Variants in ZNF827 observed in about 807,000 individuals in gnomAD.
The protein encoded by ZNF827 is zinc finger protein 827.
ZNF827 carries 13 observed loss-of-function variants against 102.4 expected under a neutral mutation model. That is an observed-to-expected ratio of 0.13 (90% confidence interval 0.08 to 0.20). The LOEUF (loss-of-function observed/expected upper bound fraction) is 0.20. Among genes scored for constraint, ZNF827 ranks in the 10% least tolerant of loss-of-function variants. The pLI, the probability that ZNF827 is intolerant of heterozygous loss-of-function variation, is 1.00. For synonymous variants in ZNF827, 523 were observed against 536.2 expected (o/e 0.98, Z 0.34); for missense variants, 1,103 against 1,344.4 (o/e 0.82, Z 2.81).
chr4:145,847,875 G>A (rs1746140127), intron 6 of ZNF827, among the ~76,000 whole-genome samples: 1 of 152,208 alleles, frequency 6.6e-6, no homozygotes, highest in African/African-American at 2.4e-5. Context: ...CTGCATGCAT[G>A]TGTGCATGGA....
chr4:145,776,015 A>C (rs758560800), intron 9 of ZNF827, 55 bp from the exon 10 acceptor site: 7 of 1,599,268 alleles, frequency 4.4e-6, no homozygotes, highest in Non-Finnish European at 6.0e-6. Flanking sequence ...AGGAAGTCCC[A>C]ACACCTTGCA....
chr4:145,802,756 A>G (rs1741037619), intron 8 of ZNF827, among the ~76,000 whole-genome samples: 1 of 152,226 alleles, frequency 6.6e-6, no homozygotes, highest in Non-Finnish European at 1.5e-5. Flanking sequence ...CCAGGAGTTC[A>G]TGGAGAAACT....
intron 8 of ZNF827, among the ~76,000 whole-genome samples, chr4:145,782,647 A>G (rs1367438768): frequency 6.6e-6 from 1 of 152,152 alleles, no homozygotes; most frequent in Non-Finnish European, 1.5e-5. Flanking sequence ...CTCACCTCAC[A>G]GATTCCAGAA....
intron 8 of ZNF827, 77 bp downstream of exon 8, chr4:145,823,345 T>C: frequency 8.2e-7 from 1 of 1,219,896 alleles, no homozygotes; most frequent in Non-Finnish European, 1.2e-6. Context: ...GCTGAAAGTA[T>C]CTGAAAATTC....
intron 8 of ZNF827, among the ~76,000 whole-genome samples, chr4:145,786,119 T>C (rs1738820647): frequency 6.6e-6 from 1 of 152,120 alleles, no homozygotes; most frequent in Non-Finnish European, 1.5e-5. Context: ...TTTGGTAAAA[T>C]TAAACAAACA....
chr4:145,898,222 G>A (rs980949372), intron 2 of ZNF827, among the ~76,000 whole-genome samples: 14 of 152,228 alleles, frequency 9.2e-5, no homozygotes, highest in African/African-American at 3.1e-4. Flanking sequence ...CTCCCTCTCC[G>A]GACTTTGTAT....
chr4:145,775,724 AG>A (rs1441918719), intron 10 of ZNF827, 64 bp downstream of exon 10: 2 of 1,586,244 alleles, frequency 1.3e-6, no homozygotes, highest in African/African-American at 2.7e-5. Context: ...CACAGCAGAC[AG>A]GTAGGAAGTG....
intron 4 of ZNF827, among the ~76,000 whole-genome samples, chr4:145,873,501 A>T (rs1450896271): frequency 6.6e-6 from 1 of 152,244 alleles, no homozygotes; most frequent in African/African-American, 2.4e-5. Context: ...CTTTCTACCT[A>T]GACCACAGCA....
intron 1 of ZNF827, among the ~76,000 whole-genome samples, chr4:145,927,525 T>C (rs1354956986): frequency 6.6e-6 from 1 of 152,170 alleles, no homozygotes; most frequent in African/African-American, 2.4e-5. Context: ...GGAAATACTA[T>C]TGGCAGCAGA....
intron 4 of ZNF827, among the ~76,000 whole-genome samples, chr4:145,883,727 C>T (rs1749875084): frequency 6.6e-6 from 1 of 152,168 alleles, no homozygotes; most frequent in Non-Finnish European, 1.5e-5. Context: ...TCATTCACCC[C>T]CACTCGGATT....
chr4:145,833,608 G>A (rs531724403), intron 7 of ZNF827, among the ~76,000 whole-genome samples: 11 of 151,876 alleles, frequency 7.2e-5, no homozygotes, highest in Admixed American at 1.3e-4. Flanking sequence ...GCTTTTCTAC[G>A]GGGCAAGAAC....
chr4:145,822,189 A>G (rs1219808195), intron 8 of ZNF827, among the ~76,000 whole-genome samples: 2 of 152,224 alleles, frequency 1.3e-5, no homozygotes, highest in African/African-American at 2.4e-5. Context: ...GTGTAAGCAC[A>G]TTATTTCTGG....
At chr4:145,775,985 G>T in intron 9 of ZNF827, 25 bp from the exon 10 acceptor site, 1 of 1,613,746 alleles carries the variant, frequency 6.2e-7, no homozygotes, top group Non-Finnish European at 8.5e-7. Flanking sequence ...ACAGGAAAAA[G>T]CCCAAATCGC....
chr4:145,783,166 G>A (rs1194239743), intron 8 of ZNF827, among the ~76,000 whole-genome samples: 1 of 152,202 alleles, frequency 6.6e-6, no homozygotes, highest in Non-Finnish European at 1.5e-5. Context: ...CTTCCCTGGG[G>A]TAAAGGTTTT....
intron 8 of ZNF827, among the ~76,000 whole-genome samples, chr4:145,795,686 G>A (rs910768738): frequency 6.6e-6 from 1 of 152,166 alleles, no homozygotes; most frequent in Non-Finnish European, 1.5e-5. Context: ...CTTTTGAGCC[G>A]ATCGTTTTGC....
chr4:145,843,311 G>T (rs1459385113), intron 7 of ZNF827, among the ~76,000 whole-genome samples: 2 of 151,864 alleles, frequency 1.3e-5, no homozygotes, highest in East Asian at 3.9e-4. Flanking sequence ...TATCATGCCG[G>T]GAGCTCACAG....
At chr4:145,829,658 G>A (rs1020454545) in intron 7 of ZNF827, among the ~76,000 whole-genome samples, 1 of 152,170 alleles carries the variant, frequency 6.6e-6, no homozygotes, top group Non-Finnish European at 1.5e-5. Flanking sequence ...GTCCCAGCGT[G>A]GGGTACAACA....
chr4:145,861,671 G>T (rs1433052242), intron 5 of ZNF827, among the ~76,000 whole-genome samples: 2 of 152,064 alleles, frequency 1.3e-5, no homozygotes, highest in African/African-American at 4.8e-5. Context: ...GGAAGATCTA[G>T]AGCCCCTTCA....
intron 11 of ZNF827, among the ~76,000 whole-genome samples, chr4:145,771,268 T>G (rs1226014197): frequency 6.6e-6 from 1 of 152,220 alleles, no homozygotes; most frequent in Non-Finnish European, 1.5e-5. Flanking sequence ...ATGTGTCAGA[T>G]CTCTCGATTG....
Sources: gnomAD v4.1 joint callset for allele counts (sites outside exome capture counted in the v4.1 genomes callset) on GRCh38, gnomAD v4.1.1 for gene constraint, MANE v1.5 for transcripts, NCBI Gene and HGNC (gene_info 2026-07-23, HGNC 2026-07-21) for gene names.